The following NAALADL2 variants were observed in gnomAD, a reference collection of about 807,000 sequenced individuals.
NAALADL2 encodes N-acetylated alpha-linked acidic dipeptidase like 2, also known as inactive N-acetylated-alpha-linked acidic dipeptidase-like protein 2.
In NAALADL2, 76 loss-of-function variants were observed where a neutral mutation model predicts 87.2. The ratio of observed to expected loss-of-function variants is 0.87; its 90% CI spans 0.72 to 1.05. NAALADL2 has a LOEUF of 1.05. Ranked by LOEUF, NAALADL2 falls within the 50% of genes least tolerant of loss-of-function variation. The pLI, the probability that NAALADL2 is intolerant of heterozygous loss-of-function variation, is 0.00. For synonymous variants in NAALADL2, 354 were observed against 331.0 expected, an observed-to-expected ratio of 1.07 and a Z score of -0.75; for missense variants, 1,089 against 945.8, an observed-to-expected ratio of 1.15 and a Z score of -1.99.
At chr3:174,710,958 G>T (rs1417882163) in intron 2 of NAALADL2, among the ~76,000 whole-genome samples, 1 of 152,138 alleles carries the variant, frequency 6.6e-6, no homozygotes, top group Non-Finnish European at 1.5e-5. Flanking sequence ...GCCACTGTTT[G>T]TGGTAATTTG....
intron 2 of NAALADL2, among the ~76,000 whole-genome samples, chr3:174,647,990 C>T (rs1560116137): frequency 6.6e-6 from 1 of 152,078 alleles, no homozygotes; most frequent in Non-Finnish European, 1.5e-5. Flanking sequence ...AACTATAGTC[C>T]TGTTACACAA....
chr3:175,615,995 A>G lies in NAALADL2; in HGVS notation c.1801-11296A>G, dbSNP rs1038532416. Among the ~76,000 whole-genome samples, 63 of 147,426 alleles carry G rather than the reference A, an allele frequency of 4.3e-4. 1 individual carries two copies. The highest frequency in any genetic ancestry group is 3.5e-3 in the Admixed American group (51 of 14,674). On this transcript the variant is annotated intron_variant, in intron 10 of 13. Coordinates refer to ENST00000454872, the MANE Select transcript of NAALADL2 (RefSeq NM_207015.3). ...ACTTATAATATATATTATATCATAT[A>G]TACATAATTATAATACATATTTATA...
intron 9 of NAALADL2, among the ~76,000 whole-genome samples, chr3:175,474,738 C>T (rs1725419113): frequency 6.6e-6 from 1 of 150,986 alleles, no homozygotes; most frequent in Non-Finnish European, 1.5e-5. Flanking sequence ...ACTGCTTTTC[C>T]CTACCTCTTC....
At chr3:175,102,417 C>A (rs1179297173) in intron 2 of NAALADL2, among the ~76,000 whole-genome samples, 1 of 152,096 alleles carries the variant, frequency 6.6e-6, no homozygotes, top group Non-Finnish European at 1.5e-5. Context: ...TATGAATTGA[C>A]CACGTGCATT....
At chr3:174,612,018 A>G (rs1277616872) in intron 2 of NAALADL2, among the ~76,000 whole-genome samples, 2 of 151,748 alleles carry the variant, frequency 1.3e-5, no homozygotes, top group Non-Finnish European at 2.9e-5. Context: ...GTCTGAGAAA[A>G]TCTTTATTTC....
chr3:174,850,993 C>A (rs1039073651), intron 3 of NAALADL2, among the ~76,000 whole-genome samples: 2 of 152,054 alleles, frequency 1.3e-5, no homozygotes, highest in Non-Finnish European at 2.9e-5. Context: ...GAAAGTTAAA[C>A]ATTATTCTCC....
intron 2 of NAALADL2, among the ~76,000 whole-genome samples, chr3:175,112,853 T>C (rs1049804389): frequency 2.0e-5 from 3 of 151,568 alleles, no homozygotes; most frequent in African/African-American, 7.3e-5. Context: ...AGCATATAAA[T>C]TCTGATAGGG....
At chr3:175,444,925 G>C (rs887997810) in intron 5 of NAALADL2, among the ~76,000 whole-genome samples, 5 of 152,130 alleles carry the variant, frequency 3.3e-5, no homozygotes, top group Non-Finnish European at 7.3e-5. Context: ...TGGTCTCCCA[G>C]ATGATAAATT....
intron 2 of NAALADL2, among the ~76,000 whole-genome samples, chr3:175,221,393 T>G (rs1017630374): frequency 3.3e-5 from 5 of 152,126 alleles, no homozygotes; most frequent in African/African-American, 9.7e-5. Context: ...GAGACTTGCT[T>G]TATGGCCTAG....
At chr3:175,673,489 C>T (rs919198665) in intron 11 of NAALADL2, among the ~76,000 whole-genome samples, 3 of 152,102 alleles carry the variant, frequency 2.0e-5, no homozygotes, top group Non-Finnish European at 4.4e-5. Context: ...TGGAGTAGAA[C>T]TGGACCTTAA....
At chr3:175,142,475 T>C (rs1730141578) in intron 2 of NAALADL2, among the ~76,000 whole-genome samples, 1 of 152,020 alleles carries the variant, frequency 6.6e-6, no homozygotes, top group Non-Finnish European at 1.5e-5. Flanking sequence ...ATCTTAATTT[T>C]ACAAATGAGA....
chr3:174,942,674 A>T (rs1738800826), intron 1 of NAALADL2, among the ~76,000 whole-genome samples: 2 of 152,046 alleles, frequency 1.3e-5, no homozygotes, highest in Admixed American at 1.3e-4. Context: ...GATGCCAGTT[A>T]TTCATATATT....
At chr3:174,709,029 C>A (rs1250669509) in intron 2 of NAALADL2, among the ~76,000 whole-genome samples, 1 of 152,004 alleles carries the variant, frequency 6.6e-6, no homozygotes, top group Non-Finnish European at 1.5e-5. Context: ...TTATATTCCC[C>A]AAACAAAATT....
At chr3:175,781,139 G>T (rs1452745250) in intron 13 of NAALADL2, among the ~76,000 whole-genome samples, 2 of 152,248 alleles carry the variant, frequency 1.3e-5, no homozygotes, top group Middle Eastern at 6.9e-3. Flanking sequence ...AGTTGAATAT[G>T]CACTTGTTTG....
chr3:174,953,987 T>TA (rs1261499475), intron 1 of NAALADL2, among the ~76,000 whole-genome samples: 1 of 152,070 alleles, frequency 6.6e-6, no homozygotes, highest in Non-Finnish European at 1.5e-5. Context: ...ATAATGTGTT[T>TA]AACAGAAAAA....
chr3:175,582,797 C>T (rs1173740980), intron 10 of NAALADL2, among the ~76,000 whole-genome samples: 1 of 152,156 alleles, frequency 6.6e-6, no homozygotes, highest in Non-Finnish European at 1.5e-5. Flanking sequence ...TAGAAGTTCT[C>T]ATCATTGACT....
chr3:175,033,289 ACTT>A (rs767260870), intron 1 of NAALADL2, among the ~76,000 whole-genome samples: 1 of 151,914 alleles, frequency 6.6e-6, no homozygotes, highest in Non-Finnish European at 1.5e-5. Context: ...ACCCACATAA[ACTT>A]CTTCTCTGAC....
intron 11 of NAALADL2, among the ~76,000 whole-genome samples, chr3:175,647,335 G>A (rs1228347812): frequency 6.6e-6 from 1 of 151,964 alleles, no homozygotes; most frequent in Non-Finnish European, 1.5e-5. Flanking sequence ...TACATGTGCA[G>A]GTTTGTTACC....
intron 5 of NAALADL2, among the ~76,000 whole-genome samples, chr3:175,427,789 T>C (rs1220771189): frequency 1.2e-5 from 1 of 83,606 alleles, no homozygotes; most frequent in Non-Finnish European, 3.0e-5. Flanking sequence ...AAGGTAGGAA[T>C]ACAATAAAGT....
Sources: gnomAD v4.1 joint callset for allele counts (sites outside exome capture counted in the v4.1 genomes callset) on GRCh38, gnomAD v4.1.1 for gene constraint, MANE v1.5 for transcripts, NCBI Gene and HGNC (gene_info 2026-07-23, HGNC 2026-07-21) for gene names.